CD6: variants seen among roughly 807,000 people sequenced by gnomAD.
The protein encoded by CD6 is CD6 molecule, also known as T-cell differentiation antigen CD6.
A neutral mutation model predicts 75.3 loss-of-function variants in CD6; 53 were observed. The ratio of observed to expected loss-of-function variants is 0.70; its 90% CI spans 0.56 to 0.88. The LOEUF is 0.88. Among genes scored for constraint, CD6 ranks in the 40% least tolerant of loss-of-function variants. The probability of loss-of-function intolerance (pLI) is 0.00; values close to 1 mark genes in which losing one functional copy is unlikely to be tolerated. For missense variants in CD6, 770 were observed against 897.1 expected (o/e 0.86, Z 1.81); for synonymous variants, 359 against 381.5 (o/e 0.94, Z 0.69).
chr11:60,994,860 G>T (rs1055012156), intron 1 of CD6, among the ~76,000 whole-genome samples: 7 of 152,170 alleles, frequency 4.6e-5, no homozygotes, highest in Admixed American at 2.6e-4. Flanking sequence ...ACTTTCCTCT[G>T]GGCGCCAGGG....
At position 61,018,279 on chromosome 11, in the gene CD6, G is replaced by A. The variant is rs1296542288; in HGVS notation, c.1838-10G>A. The A allele has an allele frequency of 6.3e-7, 1 of 1,586,018 alleles. No individual in the cohort carries two copies. Among genetic ancestry groups the A allele is most frequent in the Non-Finnish European group, 8.6e-7 (1 of 1,165,742 alleles). ...GCTGGCAGAGGGTGACTGGTTCTGG[G>A]GGTTTCCAGCAGGGCCCCCGGCTGA... On this transcript the variant is annotated splice_polypyrimidine_tract_variant and intron_variant, in intron 11 of 12. Coordinates refer to ENST00000313421, the MANE Select transcript of CD6 (RefSeq NM_006725.5).
At chr11:60,998,787 T>C (rs1454568225) in intron 1 of CD6, among the ~76,000 whole-genome samples, 3 of 151,808 alleles carry the variant, frequency 2.0e-5, no homozygotes, top group African/African-American at 7.3e-5. Flanking sequence ...GTGTATTTAT[T>C]TGGGGACTTT....
intron 9 of CD6, 28 bp downstream of exon 9, chr11:61,015,863 C>T (rs775849519): frequency 5.9e-5 from 95 of 1,611,990 alleles, no homozygotes; most frequent in Non-Finnish European, 7.7e-5. Context: ...CTCCCGAGGG[C>T]CCACCTACCT....
At chr11:60,995,686 AGGGGTG>A (rs1404045744) in intron 1 of CD6, among the ~76,000 whole-genome samples, 1 of 152,082 alleles carries the variant, frequency 6.6e-6, no homozygotes, top group Non-Finnish European at 1.5e-5. Flanking sequence ...CAAGTGGGGA[AGGGGTG>A]GGGGCAGTGC....
At chr11:60,976,838 G>A (rs936034657) in intron 1 of CD6, among the ~76,000 whole-genome samples, 2 of 152,148 alleles carry the variant, frequency 1.3e-5, no homozygotes, top group Non-Finnish European at 2.9e-5. Flanking sequence ...CCGTGCATCT[G>A]GCCTTATTGT....
Position 61,007,576 on chromosome 11 carries a change from C to G in CD6, c.135C>G (p.Val45=), listed in dbSNP as rs1374432298. The G allele has an allele frequency of 4.4e-5, 66 of 1,501,502 alleles. No homozygotes were observed. Among genetic ancestry groups the G allele is most frequent in the Non-Finnish European group, 5.8e-5 (65 of 1,124,940 alleles). 93.0% of individuals were successfully genotyped at this position (1,501,502 alleles called of 1,614,324 possible). ...CACTTCCAGGGGAGCGGCTTCCGGTCCGTCTGACAAACGGGAGCAGCAGCT... is the reference window on the plus strand; with the variant it reads ...CACTTCCAGGGGAGCGGCTTCCGGTGCGTCTGACAAACGGGAGCAGCAGCT... ...ELWEPGERLP[V]RLTNGSSSCS... Residue 45 remains valine, a synonymous_variant, in exon 3 of 13, where the codon GTC becomes GTG. Coordinates refer to ENST00000313421, the MANE Select transcript of CD6 (RefSeq NM_006725.5). This position sits in a 1 kb window ranked among gnomAD's most constrained non-coding sequence, Gnocchi z 4.2.
intron 6 of CD6, among the ~76,000 whole-genome samples, chr11:61,011,482 T>TA: frequency 6.6e-6 from 1 of 151,904 alleles, no homozygotes; most frequent in South Asian, 2.1e-4. Flanking sequence ...AGGGGGAGGG[T>TA]GATCTTGGCC....
At chr11:60,976,301 G>A (rs575693679) in intron 1 of CD6, among the ~76,000 whole-genome samples, 6 of 152,240 alleles carry the variant, frequency 3.9e-5, no homozygotes, top group South Asian at 2.1e-4. Flanking sequence ...TTATTAAAGC[G>A]AATATCAAGT....
chr11:60,972,017 TC>T (rs1230770151), intron 1 of CD6, 103 bp downstream of exon 1: 2 of 1,232,654 alleles, frequency 1.6e-6, no homozygotes, highest in Admixed American at 3.9e-5. Context: ...TTTTCTAGGA[TC>T]TTTTAGCCAA....
chr11:60,974,092 G>C (rs1857283140), intron 1 of CD6, among the ~76,000 whole-genome samples: 1 of 152,138 alleles, frequency 6.6e-6, no homozygotes, highest in African/African-American at 2.4e-5. Context: ...AGGAGACTAG[G>C]ACCTCCAAGG....
At position 60,989,825 on chromosome 11, in the gene CD6, T is replaced by C. The variant is rs2135064697; in HGVS notation, c.50-16749T>C. Among the ~76,000 whole-genome samples, 3 of 152,298 alleles carry C rather than the reference T, an allele frequency of 2.0e-5. No homozygotes were observed. In the South Asian group the frequency reaches 6.2e-4, roughly 32 times the overall value. On this transcript the variant is annotated intron_variant, in intron 1 of 12. Coordinates refer to ENST00000313421, the MANE Select transcript of CD6 (RefSeq NM_006725.5). ...CTCTTGAATCCTACATTTCCCCGCC[T>C]GCACGATAGTGATAATAACAGTGCT...
chr11:61,018,499 G>C, intron 12 of CD6, 106 bp downstream of exon 12: 1 of 898,886 alleles, frequency 1.1e-6, no homozygotes, highest in Non-Finnish European at 1.7e-6. Context: ...AAGGAGAAAG[G>C]AAGGGTAAAA....
At chr11:61,018,810 A>G (rs1352373311) in intron 12 of CD6, 1 of 248,404 alleles carries the variant, frequency 4.0e-6, no homozygotes, top group Non-Finnish European at 7.7e-6. Flanking sequence ...GGTCAGAGCA[A>G]GACCCTCTTT....
chr11:61,018,404 C>A lies in CD6; in HGVS notation c.1942+11C>A. The A allele has an allele frequency of 1.3e-6, 2 of 1,573,196 alleles. No homozygotes were observed. Among genetic ancestry groups the A allele is most frequent in the Non-Finnish European group, 1.7e-6 (2 of 1,157,012 alleles). ...AGTTTGGCTGTCCAGGTGCCAATAT[C>A]TGGGGAAGGGATGTGGGAGGGGGAC... On this transcript the variant is annotated intron_variant, in intron 12 of 12. Transcript: ENST00000313421.
intron 1 of CD6, among the ~76,000 whole-genome samples, chr11:61,000,565 C>G (rs554002664): frequency 1.3e-5 from 2 of 152,288 alleles, no homozygotes; most frequent in South Asian, 4.1e-4. Flanking sequence ...TCACTGGGCA[C>G]GGCCAGGGCG....
In CD6 at chr11:61,017,906, A is replaced by G; in HGVS notation, c.1730A>G (p.Lys577Arg). Residue 577 changes from lysine (K) to arginine (R), a missense_variant, in exon 11 of 13, where the codon AAA becomes AGA. By Grantham distance (26) the Lys-to-Arg change is conservative. Transcript: ENST00000313421. ...GGGGAGGATTACTGCAATAGTCCCA[A>G]AAGCAAGCTGCCTCCATGGAACCCC... ...SSGEDYCNSP[K>R]SKLPPWNPQV... The G allele has an allele frequency of 6.2e-7, 1 of 1,614,070 alleles. No individual in the cohort carries two copies. The highest frequency in any genetic ancestry group is 2.2e-5 in the East Asian group (1 of 44,878).
chr11:60,995,326 G>T (rs1858247583), intron 1 of CD6, among the ~76,000 whole-genome samples: 1 of 151,892 alleles, frequency 6.6e-6, no homozygotes, highest in Admixed American at 6.6e-5. Flanking sequence ...TGTATTTTTA[G>T]TAGAGGCTGG....
chr11:61,007,785 T>G lies in CD6; in HGVS notation c.344T>G (p.Val115Gly). 2 of 1,476,154 alleles carry G rather than the reference T, an allele frequency of 1.4e-6. No homozygotes were observed. The highest frequency in any genetic ancestry group is 1.8e-6 in the Non-Finnish European group (2 of 1,115,960). 91.4% of individuals were successfully genotyped at this position (1,476,154 alleles called of 1,614,324 possible). The part of the protein sequence containing the change: ...PPPPAAGNTS[V>G]AANATLAGAP... Reference sequence around the variant, plus strand: ...CCGCCTGCAGCCGGGAACACCAGCGTAGCAGCTAATGCCACTCTGGCCGGG... The same window carrying G: ...CCGCCTGCAGCCGGGAACACCAGCGGAGCAGCTAATGCCACTCTGGCCGGG... Residue 115 changes from valine to glycine, a missense_variant, in exon 3 of 13, where the codon GTA becomes GGA. By Grantham distance (109) the Val-to-Gly change is moderately radical (BLOSUM62 -3). Coordinates refer to ENST00000313421, the MANE Select transcript of CD6 (RefSeq NM_006725.5). The surrounding 1 kb of genome is among the most constrained non-coding windows in gnomAD (Gnocchi z 4.2).
At chr11:60,974,129 T>C (rs1005235907) in intron 1 of CD6, among the ~76,000 whole-genome samples, 8 of 152,104 alleles carry the variant, frequency 5.3e-5, no homozygotes, top group Non-Finnish European at 8.8e-5. Flanking sequence ...AGAAAAATGA[T>C]GGCAAAGAGG....
Sources: allele counts gnomAD v4.1 joint callset (sites outside exome capture counted in the v4.1 genomes callset), GRCh38; gene constraint gnomAD v4.1.1; non-coding constraint Gnocchi (gnomAD v3.1); transcripts MANE v1.5; gene names NCBI Gene and HGNC (gene_info 2026-07-23, HGNC 2026-07-21).